The following TICRR variants were observed in gnomAD, a reference collection of about 807,000 sequenced individuals.
The protein encoded by TICRR is TOPBP1 interacting checkpoint and replication regulator.
A neutral mutation model predicts 178.1 loss-of-function variants in TICRR; 132 were observed. That is an observed-to-expected ratio of 0.74 (90% confidence interval 0.64 to 0.86). The LOEUF is 0.86. Among genes scored for constraint, TICRR ranks in the 40% least tolerant of loss-of-function variants. The probability of loss-of-function intolerance (pLI) is 0.00; values close to 1 mark genes in which losing one functional copy is unlikely to be tolerated. For synonymous variants in TICRR, 991 were observed against 900.7 expected (o/e 1.10, Z -1.79); for missense variants, 2,587 against 2,334.3 (o/e 1.11, Z -2.23).
At chr15:89,609,052 C>T in intron 15 of TICRR, 103 bp downstream of exon 15, 1 of 1,048,536 alleles carries the variant, frequency 9.5e-7, no homozygotes, top group East Asian at 3.3e-5. Context: ...GAGTCTTCTT[C>T]CCTCTTTTTT....
chr15:89,623,753 C>G lies in TICRR; in HGVS notation c.3443C>G (p.Thr1148Arg). The change falls in exon 20 of 22, where the codon ACA (threonine) becomes AGA (arginine). Residue 1148 changes from threonine (T) to arginine (R), a missense_variant. By Grantham distance (71) the Thr-to-Arg change is moderately conservative (BLOSUM62 -1). Coordinates refer to ENST00000268138, the MANE Select transcript of TICRR (RefSeq NM_152259.4). ...LQKSPAKMTP[T>R]KQAAFKESLK... Reference sequence around the variant, plus strand: ...AAGTCCCCTGCAAAAATGACCCCTACAAAGCAGGCAGCTTTTAAGGAGTCC... The same window carrying G: ...AAGTCCCCTGCAAAAATGACCCCTAGAAAGCAGGCAGCTTTTAAGGAGTCC... 1 of 1,614,114 alleles carries G rather than the reference C, an allele frequency of 6.2e-7. No homozygotes were observed. The highest frequency in any genetic ancestry group is 8.5e-7 in the Non-Finnish European group (1 of 1,180,030).
At chr15:89,597,220 T>G (rs1963011949) in intron 7 of TICRR, among the ~76,000 whole-genome samples, 1 of 152,032 alleles carries the variant, frequency 6.6e-6, no homozygotes, top group Non-Finnish European at 1.5e-5. Flanking sequence ...TTGTCTTTGC[T>G]CCTTTGTCAA....
Position 89,626,070 on chromosome 15 carries a change from T to G in TICRR, c.5602+9T>G, listed in dbSNP as rs1290871307. The G allele has an allele frequency of 1.9e-6, 3 of 1,613,466 alleles. No homozygotes were observed. The Admixed American group carries it at 5.0e-5, about 27-fold the overall frequency. ...GAGCAAAGACCCCAGAGGTAATGTT[T>G]GTTGAAGGTCTAGGACCCTTTCCTG... On this transcript the variant is annotated intron_variant, in intron 21 of 21. Coordinates refer to ENST00000268138, the MANE Select transcript of TICRR (RefSeq NM_152259.4).
At chr15:89,581,364 A>G (rs1029018695) in intron 1 of TICRR, among the ~76,000 whole-genome samples, 1 of 151,920 alleles carries the variant, frequency 6.6e-6, no homozygotes, top group African/African-American at 2.4e-5. Context: ...TTTTATTCAC[A>G]CCCCCCGCCC....
intron 15 of TICRR, among the ~76,000 whole-genome samples, chr15:89,613,250 G>T (rs1963280777): frequency 6.6e-6 from 1 of 152,202 alleles, no homozygotes; most frequent in African/African-American, 2.4e-5. Context: ...CTTTGAATAT[G>T]TCATCACACT....
At chr15:89,622,624 C>G (rs1453499831) in intron 19 of TICRR, among the ~76,000 whole-genome samples, 19 of 152,178 alleles carry the variant, frequency 1.2e-4, no homozygotes, top group Admixed American at 1.2e-3. Context: ...AACCATAGAT[C>G]TACACAACCA....
At chr15:89,583,170 T>G (rs1351896990) in intron 2 of TICRR, among the ~76,000 whole-genome samples, 1 of 152,038 alleles carries the variant, frequency 6.6e-6, no homozygotes, top group Non-Finnish European at 1.5e-5. Context: ...CTGCCAGCCT[T>G]TGTACAAAAA....
At chr15:89,585,616 G>A (rs1962807266) in intron 3 of TICRR, 92 bp from the exon 4 acceptor site, 1 of 859,592 alleles carries the variant, frequency 1.2e-6, no homozygotes, top group Admixed American at 2.2e-5. Flanking sequence ...AATAATAATT[G>A]GGAAAATGGT....
intron 16 of TICRR, 142 bp downstream of exon 16, chr15:89,616,637 C>G: frequency 3.2e-6 from 2 of 633,334 alleles, no homozygotes; most frequent in South Asian, 1.9e-5. Flanking sequence ...TCTATAAGCT[C>G]TCCATGGGAG....
intron 2 of TICRR, 145 bp from the exon 3 acceptor site, chr15:89,584,141 C>T: frequency 1.3e-6 from 1 of 784,726 alleles, no homozygotes; most frequent in Non-Finnish European, 1.9e-6. Flanking sequence ...AAGTGTTCAA[C>T]TAAGTGACAG....
chr15:89,625,691 GAGA>G lies in TICRR; in HGVS notation c.5385_5387del (p.Glu1795del). The G allele has an allele frequency of 6.2e-7, 1 of 1,613,762 alleles. No individual in the cohort carries two copies. On this transcript the variant is annotated inframe_deletion, in exon 20 of 22. Coordinates refer to ENST00000268138, the MANE Select transcript of TICRR (RefSeq NM_152259.4). ...GGAGCCAAAAGGATCTGTGACCTGAGAGAAGATTCAGAAGTTAGTAAGAGTAAA... is the reference window on the plus strand; with the variant it reads ...GGAGCCAAAAGGATCTGTGACCTGAGAGATTCAGAAGTTAGTAAGAGTAAA...
At chr15:89,592,270 A>G in intron 5 of TICRR, 94 bp downstream of exon 5, 1 of 1,018,988 alleles carries the variant, frequency 9.8e-7, no homozygotes, top group Non-Finnish European at 1.4e-6. Context: ...CTCTGAGTAT[A>G]GTCTAATAAT....
chr15:89,597,419 G>A (rs1447577454), intron 7 of TICRR, among the ~76,000 whole-genome samples: 2 of 151,958 alleles, frequency 1.3e-5, no homozygotes, highest in Non-Finnish European at 2.9e-5. Context: ...AGCTACTTGG[G>A]GTTACTGAGT....
chr15:89,603,397 C>T (rs1050332250), intron 13 of TICRR, among the ~76,000 whole-genome samples: 5 of 152,072 alleles, frequency 3.3e-5, no homozygotes, highest in African/African-American at 7.2e-5. Flanking sequence ...GACAACATAG[C>T]GAGACCCTGT....
rs752060793 is a variant in TICRR at position 89,601,733 on chromosome 15, A to T, written c.2328-4A>T. 38 of 1,614,044 alleles carry T rather than the reference A, an allele frequency of 2.4e-5. No individual in the cohort carries two copies. The highest frequency in any genetic ancestry group is 3.0e-5 in the Non-Finnish European group (35 of 1,180,006). Reference sequence around the variant, plus strand: ...GTTCCGTATTCGATCAATCTGTTCCACAGGTATATTGACTCTATCCCAAAG... The same window carrying T: ...GTTCCGTATTCGATCAATCTGTTCCTCAGGTATATTGACTCTATCCCAAAG... On this transcript the variant is annotated splice_polypyrimidine_tract_variant and splice_region_variant and intron_variant, in intron 11 of 21. Coordinates refer to ENST00000268138, the MANE Select transcript of TICRR (RefSeq NM_152259.4).
chr15:89,589,376 G>A (rs1490571093), intron 4 of TICRR, among the ~76,000 whole-genome samples: 1 of 152,164 alleles, frequency 6.6e-6, no homozygotes, highest in Non-Finnish European at 1.5e-5. Context: ...GTGGAGACTA[G>A]AAGGAGGGCA....
rs1963471897 is a variant in TICRR, at chr15:89,624,184, C to CCAAA, written c.3875_3878dup (p.Lys1293AsnfsTer27). Reference sequence around the variant, plus strand: ...ACTAAAGGATAAAGCTATCAAAACTCCAAAAAGACCAGGGAATTCAACTGT... The same window carrying CCAAA: ...ACTAAAGGATAAAGCTATCAAAACTCCAAACAAAAAGACCAGGGAATTCAACTGT... On this transcript the variant is annotated frameshift_variant, in exon 20 of 22. Transcript: ENST00000268138. LOFTEE classifies it high-confidence loss of function. 1 of 1,613,980 alleles carries CCAAA rather than the reference C, an allele frequency of 6.2e-7. No individual in the cohort carries two copies. Among genetic ancestry groups the CCAAA allele is most frequent in the Non-Finnish European group, 8.5e-7 (1 of 1,180,038 alleles).
intron 4 of TICRR, among the ~76,000 whole-genome samples, chr15:89,591,161 T>C (rs539821588): frequency 4.2e-4 from 64 of 152,322 alleles, no homozygotes; most frequent in African/African-American, 1.3e-3. Context: ...GTCTCGCTCT[T>C]GTCACCCAGG....
intron 13 of TICRR, among the ~76,000 whole-genome samples, chr15:89,603,437 T>TA (rs1197931360): frequency 6.6e-6 from 1 of 152,006 alleles, no homozygotes; most frequent in Non-Finnish European, 1.5e-5. Flanking sequence ...AAGAAAAAAT[T>TA]AGCCAGGCAT....
Sources: allele counts gnomAD v4.1 joint callset (sites outside exome capture counted in the v4.1 genomes callset), GRCh38; gene constraint gnomAD v4.1.1; transcripts MANE v1.5; gene names NCBI Gene and HGNC (gene_info 2026-07-23, HGNC 2026-07-21).